Variants in TRHDE observed in about 807,000 individuals in gnomAD.
TRHDE encodes thyrotropin releasing hormone degrading enzyme, also known as thyrotropin-releasing hormone-degrading ectoenzyme.
A neutral mutation model predicts 125.7 loss-of-function variants in TRHDE; 72 were observed. The ratio of observed to expected loss-of-function variants is 0.57; its 90% confidence interval spans 0.47 to 0.70. TRHDE has a LOEUF of 0.70. Ranked by LOEUF, TRHDE falls within the 30% of genes least tolerant of loss-of-function variation. TRHDE has a pLI of 0.00. For synonymous variants in TRHDE, 509 were observed against 509.1 expected (o/e 1.00, Z 0.00); for missense variants, 1,110 against 1,327.1 (o/e 0.84, Z 2.54).
intron 12 of TRHDE, among the ~76,000 whole-genome samples, chr12:72,578,709 A>C (rs1871111751): frequency 6.6e-6 from 1 of 152,106 alleles, no homozygotes; most frequent in African/African-American, 2.4e-5. Flanking sequence ...TGAATTGATA[A>C]AGTAATTGTT....
intron 2 of TRHDE, among the ~76,000 whole-genome samples, chr12:72,313,125 A>G (rs1458149891): frequency 3.9e-5 from 6 of 152,222 alleles, no homozygotes; most frequent in East Asian, 1.9e-4. Context: ...GGCAATATTT[A>G]TAGTCTCAAA....
chr12:72,286,095 C>T (rs924719054), intron 1 of TRHDE, among the ~76,000 whole-genome samples: 6 of 152,204 alleles, frequency 3.9e-5, no homozygotes, highest in South Asian at 2.1e-4. Flanking sequence ...TGACCAACTA[C>T]ATCTTAGGAA....
chr12:72,635,884 C>A (rs935600636), intron 15 of TRHDE, among the ~76,000 whole-genome samples: 7 of 152,130 alleles, frequency 4.6e-5, no homozygotes, highest in Admixed American at 3.9e-4. Flanking sequence ...GTACCAGTAC[C>A]ATGCTCTTTT....
intron 3 of TRHDE, 114 bp downstream of exon 3, chr12:72,378,235 G>T: frequency 9.2e-7 from 1 of 1,088,634 alleles, no homozygotes; most frequent in East Asian, 2.8e-5. Flanking sequence ...TATATTTTTA[G>T]AGAAGATAAG....
chr12:72,212,938 T>C (rs1272526374), intron 2 of TRHDE, among the ~76,000 whole-genome samples: 1 of 152,134 alleles, frequency 6.6e-6, no homozygotes, highest in African/African-American at 2.4e-5. Context: ...TTCAAATGTC[T>C]ATTACCTGAT....
chr12:72,629,247 T>A (rs1011488450), intron 15 of TRHDE, among the ~76,000 whole-genome samples: 1 of 151,840 alleles, frequency 6.6e-6, no homozygotes, highest in African/African-American at 2.4e-5. Context: ...TTTTAAAAAA[T>A]TATATTACTA....
intron 7 of TRHDE, among the ~76,000 whole-genome samples, chr12:72,545,006 T>C (rs548942535): frequency 6.8e-4 from 103 of 151,638 alleles, no homozygotes; most frequent in Middle Eastern, 3.4e-3. Context: ...TATTACCCAT[T>C]GGTTCAGCTA....
intron 3 of TRHDE, among the ~76,000 whole-genome samples, chr12:72,408,853 A>T (rs187974072): frequency 6.6e-6 from 1 of 152,270 alleles, no homozygotes; most frequent in Admixed American, 6.5e-5. Context: ...GAAAAAATAT[A>T]TAAAAGAGAC....
chr12:72,290,496 C>T (rs1481661746), intron 2 of TRHDE, among the ~76,000 whole-genome samples: 1 of 152,170 alleles, frequency 6.6e-6, no homozygotes, highest in East Asian at 1.9e-4. Context: ...TGGCATAAAA[C>T]AGCCATTTTA....
At chr12:72,435,467 C>T (rs1874696676) in intron 3 of TRHDE, among the ~76,000 whole-genome samples, 1 of 151,980 alleles carries the variant, frequency 6.6e-6, no homozygotes, top group Admixed American at 6.6e-5. Flanking sequence ...GAATGATTCT[C>T]ACCTAAATCT....
chr12:72,639,371 CTT>C (rs1387382291), intron 15 of TRHDE, among the ~76,000 whole-genome samples: 2 of 151,068 alleles, frequency 1.3e-5, no homozygotes, highest in African/African-American at 4.8e-5. Context: ...CCTTTAAGCA[CTT>C]CTCTGTATTG....
intron 2 of TRHDE, among the ~76,000 whole-genome samples, chr12:72,200,419 T>C (rs1877535126): frequency 6.6e-6 from 1 of 152,216 alleles, no homozygotes; most frequent in Non-Finnish European, 1.5e-5. Flanking sequence ...AAAAGATGTG[T>C]GTTAGAATAA....
At chr12:72,351,941 G>C (rs1436532417) in intron 2 of TRHDE, among the ~76,000 whole-genome samples, 1 of 151,758 alleles carries the variant, frequency 6.6e-6, no homozygotes, top group South Asian at 2.1e-4. Context: ...TTGCTTACCA[G>C]CTTAACTCAT....
chr12:72,131,288 G>T (rs1013417999), intron 2 of TRHDE, among the ~76,000 whole-genome samples: 1 of 151,658 alleles, frequency 6.6e-6, no homozygotes, highest in Non-Finnish European at 1.5e-5. Flanking sequence ...TCTCCAGGAT[G>T]GTCTCCATCT....
intron 1 of TRHDE, among the ~76,000 whole-genome samples, chr12:72,094,709 T>A (rs1874871904): frequency 1.3e-5 from 2 of 152,220 alleles, no homozygotes; most frequent in African/African-American, 4.8e-5. Flanking sequence ...TGGCAGATGG[T>A]TCTGGTGGCC....
chr12:72,129,967 T>C (rs1875821645), intron 2 of TRHDE, among the ~76,000 whole-genome samples: 1 of 152,176 alleles, frequency 6.6e-6, no homozygotes, highest in Non-Finnish European at 1.5e-5. Context: ...CATGAAATAA[T>C]AATAAATGGA....
At chr12:72,624,732 T>C (rs1873189667) in intron 15 of TRHDE, among the ~76,000 whole-genome samples, 1 of 151,882 alleles carries the variant, frequency 6.6e-6, no homozygotes, top group African/African-American at 2.4e-5. Flanking sequence ...TGAATTGCAA[T>C]GGTGATGTCA....
At chr12:72,649,442 A>C (rs943597019) in intron 15 of TRHDE, among the ~76,000 whole-genome samples, 4 of 152,092 alleles carry the variant, frequency 2.6e-5, no homozygotes, top group Non-Finnish European at 5.9e-5. Context: ...CAAACTGTAA[A>C]CTTCTTAAAG....
intron 2 of TRHDE, among the ~76,000 whole-genome samples, chr12:72,373,366 A>T (rs1871705563): frequency 6.6e-6 from 1 of 152,040 alleles, no homozygotes; most frequent in South Asian, 2.1e-4. Flanking sequence ...TCTTTTCCTA[A>T]TTGAATACCC....
Sources: allele counts gnomAD v4.1 joint callset (sites outside exome capture counted in the v4.1 genomes callset), GRCh38; gene constraint gnomAD v4.1.1; transcripts MANE v1.5; gene names NCBI Gene and HGNC (gene_info 2026-07-23, HGNC 2026-07-21).